PIK3C2G: variants seen among roughly 807,000 people sequenced by gnomAD.
The protein encoded by PIK3C2G is phosphatidylinositol 3-kinase C2 domain-containing subunit gamma.
A neutral mutation model predicts 181.1 loss-of-function variants in PIK3C2G; 168 were observed. That is an observed-to-expected ratio of 0.93 (90% CI 0.82 to 1.05). The LOEUF is 1.05. Among genes scored for constraint, PIK3C2G ranks in the 50% least tolerant of loss-of-function variants. PIK3C2G has a pLI of 0.00. For missense variants in PIK3C2G, 1,869 were observed against 1,732.8 expected (o/e 1.08, Z -1.40); for synonymous variants, 573 against 592.2 (o/e 0.97, Z 0.47).
chr12:18,552,274 A>G (rs983899722), intron 26 of PIK3C2G, among the ~76,000 whole-genome samples: 19 of 152,280 alleles, frequency 1.2e-4, no homozygotes, highest in African/African-American at 4.6e-4. Context: ...AGGGTGTGAG[A>G]CAAGACTCTT....
In PIK3C2G at chr12:18,556,071, A is replaced by C. The variant is rs116832543; in HGVS notation, c.3591-6632A>C. ...TCTTCTTTACCTCCCAGCACATAGA[A>C]TAGTGCCTAGCAAGGGAGAGTTAAA... is the stretch of plus-strand genomic sequence containing the variant. On this transcript the variant is annotated intron_variant, in intron 26 of 32. Coordinates refer to ENST00000538779, the MANE Select transcript of PIK3C2G (RefSeq NM_001288772.2). Among the ~76,000 whole-genome samples the C allele has an allele frequency of 5.8e-3, 876 of 152,252 alleles. 5 individuals carry two copies. Among genetic ancestry groups the C allele is most frequent in the African/African-American group, 0.02 (835 of 41,554 alleles).
chr12:18,282,814 A>C, intron 2 of PIK3C2G, 55 bp downstream of exon 2: 1 of 1,177,232 alleles, frequency 8.5e-7, no homozygotes, highest in Non-Finnish European at 1.2e-6. Flanking sequence ...TCATTCAATA[A>C]TGTATTGGGT....
At chr12:18,621,883 A>G (rs1948880862) in intron 31 of PIK3C2G, among the ~76,000 whole-genome samples, 1 of 151,878 alleles carries the variant, frequency 6.6e-6, no homozygotes, top group Non-Finnish European at 1.5e-5. Context: ...ATCAACACAC[A>G]CACACACGTT....
intron 14 of PIK3C2G, among the ~76,000 whole-genome samples, chr12:18,389,739 GA>G (rs1255765148): frequency 1.3e-5 from 2 of 152,106 alleles, no homozygotes; most frequent in East Asian, 1.9e-4. Flanking sequence ...CATAATTCAT[GA>G]AAAAATGCAA....
intron 18 of PIK3C2G, among the ~76,000 whole-genome samples, chr12:18,481,448 C>G (rs1183970028): frequency 6.6e-6 from 1 of 152,176 alleles, no homozygotes; most frequent in Non-Finnish European, 1.5e-5. Flanking sequence ...GAGTGCAACA[C>G]TGTTGTGTAA....
intron 24 of PIK3C2G, among the ~76,000 whole-genome samples, chr12:18,524,449 C>A (rs763585718): frequency 3.3e-5 from 5 of 152,086 alleles, no homozygotes; most frequent in Non-Finnish European, 5.9e-5. Flanking sequence ...AGTGAGGCCA[C>A]AGAAATCTTT....
chr12:18,334,882 T>C (rs970235863), intron 8 of PIK3C2G, among the ~76,000 whole-genome samples: 1 of 152,194 alleles, frequency 6.6e-6, no homozygotes, highest in East Asian at 1.9e-4. Flanking sequence ...TATGTATGTG[T>C]ATTTGGGGAG....
At chr12:18,667,639 A>G in the PIK3C2G span, among the ~76,000 whole-genome samples, 3 of 152,154 alleles carry the variant, frequency 2.0e-5, no homozygotes, top group Non-Finnish European at 2.9e-5. Context: ...GTTAGCGTTT[A>G]TTGAAGACCC....
At chr12:18,562,231 A>C (rs890183116) in intron 26 of PIK3C2G, among the ~76,000 whole-genome samples, 1 of 152,260 alleles carries the variant, frequency 6.6e-6, no homozygotes, top group East Asian at 1.9e-4. Flanking sequence ...TCCCGGGTTC[A>C]CGCCATTCTC....
the PIK3C2G span, chr12:18,701,849 G>A: frequency 9.8e-6 from 15 of 1,532,966 alleles, no homozygotes; most frequent in African/African-American, 2.8e-5. Context: ...ACTGAAAAGT[G>A]TTTCACTATA....
chr12:18,610,780 A>G (rs1404225875), intron 31 of PIK3C2G, among the ~76,000 whole-genome samples: 1 of 135,182 alleles, frequency 7.4e-6, no homozygotes, highest in Non-Finnish European at 1.6e-5. Flanking sequence ...ATATAAACAT[A>G]TATGATAAAA....
chr12:18,555,618 A>G (rs1389476540), intron 26 of PIK3C2G, among the ~76,000 whole-genome samples: 1 of 152,116 alleles, frequency 6.6e-6, no homozygotes, highest in East Asian at 1.9e-4. Context: ...AAGAAATTTT[A>G]TGCTTATTAT....
At chr12:18,298,639 C>T (rs753386546) in intron 5 of PIK3C2G, among the ~76,000 whole-genome samples, 1 of 151,592 alleles carries the variant, frequency 6.6e-6, no homozygotes, top group African/African-American at 2.4e-5. Flanking sequence ...TGTTCTGGAA[C>T]ATTTATCTTA....
At chr12:18,338,914 T>C (rs987101055) in intron 9 of PIK3C2G, among the ~76,000 whole-genome samples, 6 of 152,116 alleles carry the variant, frequency 3.9e-5, no homozygotes, top group Non-Finnish European at 8.8e-5. Flanking sequence ...TAAGTGTTTG[T>C]ATAGATTGTT....
At chr12:18,452,396 T>G (rs1418397004) in intron 18 of PIK3C2G, among the ~76,000 whole-genome samples, 1 of 152,166 alleles carries the variant, frequency 6.6e-6, no homozygotes. Flanking sequence ...AGTTTATACT[T>G]CTGTGGGATC....
chr12:18,696,800 T>A, the PIK3C2G span, among the ~76,000 whole-genome samples: 1 of 152,120 alleles, frequency 6.6e-6, no homozygotes, highest in Admixed American at 6.6e-5. Flanking sequence ...TTCCAATCCC[T>A]TCACTCCAGC....
At chr12:18,437,145 C>A (rs1592257397) in intron 18 of PIK3C2G, among the ~76,000 whole-genome samples, 1 of 151,868 alleles carries the variant, frequency 6.6e-6, no homozygotes, top group Admixed American at 6.6e-5. Flanking sequence ...ATGGATAAGG[C>A]TTTTACTTTC....
At position 18,407,346 on chromosome 12, in the gene PIK3C2G, C is replaced by G. The variant is rs545910663; in HGVS notation, c.2315+7499C>G. 2.8e-4 allele frequency among the ~76,000 whole-genome samples: 43 copies of G among 152,208 alleles called. 1 individual carries two copies. Among genetic ancestry groups the G allele is most frequent in the Admixed American group, 6.5e-4 (10 of 15,290 alleles). On this transcript the variant is annotated intron_variant, in intron 16 of 32. Transcript: ENST00000538779. The stretch of plus-strand genomic sequence containing the variant: ...TAATTGAAGGACATAATTTACAAAG[C>G]ATTTCACAATATATGACTTGAAATA...
the PIK3C2G span, chr12:18,723,639 G>T: frequency 6.4e-6 from 6 of 937,076 alleles, no homozygotes; most frequent in South Asian, 4.4e-5. Flanking sequence ...ATTTATACTT[G>T]AAAGAAGATG....
Sources: gnomAD v4.1 joint callset for allele counts (sites outside exome capture counted in the v4.1 genomes callset) on GRCh38, gnomAD v4.1.1 for gene constraint, MANE v1.5 for transcripts, NCBI Gene and HGNC (gene_info 2026-07-23, HGNC 2026-07-21) for gene names.